SGCZ: variants seen among roughly 807,000 people sequenced by gnomAD.
SGCZ encodes the protein zeta-sarcoglycan.
Under a neutral mutation model 41.3 loss-of-function variants are expected in SGCZ, and 40 were observed. The observed-to-expected ratio is 0.97, with a 90% CI of 0.75 to 1.26. The LOEUF (loss-of-function observed/expected upper bound fraction) is 1.26, where lower values mean the gene tolerates loss of function less well. Ranked by LOEUF, SGCZ falls within the 50% of genes most tolerant of loss-of-function variation. The pLI, the probability that SGCZ is intolerant of heterozygous loss-of-function variation, is 0.00. For missense variants in SGCZ, 552 were observed against 369.8 expected, an observed-to-expected ratio of 1.49 and a Z score of -4.04; for synonymous variants, 206 against 137.5, an observed-to-expected ratio of 1.50 and a Z score of -3.49.
intron 4 of SGCZ, among the ~76,000 whole-genome samples, chr8:14,216,863 G>C (rs1485141773): frequency 2.0e-5 from 3 of 152,126 alleles, no homozygotes; most frequent in Non-Finnish European, 4.4e-5. Context: ...ATTGTATTCA[G>C]CAAAATAAGG....
intron 3 of SGCZ, among the ~76,000 whole-genome samples, chr8:14,317,543 G>A (rs1801758952): frequency 6.6e-6 from 1 of 151,542 alleles, no homozygotes; most frequent in African/African-American, 2.4e-5. Context: ...CAAGCACAGG[G>A]GTCTATGACA....
At chr8:14,983,193 T>C (rs1210433645) in intron 1 of SGCZ, among the ~76,000 whole-genome samples, 1 of 1,304 alleles carries the variant, frequency 7.7e-4, no homozygotes, top group Admixed American at 0.029. Flanking sequence ...TTCTTTTTTC[T>C]TTTTTTTTTT....
chr8:15,046,909 C>T (rs1804326478), intron 1 of SGCZ, among the ~76,000 whole-genome samples: 1 of 151,944 alleles, frequency 6.6e-6, no homozygotes, highest in South Asian at 2.1e-4. Flanking sequence ...AACTAATTTG[C>T]TCCATCTTAG....
At chr8:14,326,606 G>C (rs1802125412) in intron 2 of SGCZ, among the ~76,000 whole-genome samples, 1 of 152,114 alleles carries the variant, frequency 6.6e-6, no homozygotes, top group Non-Finnish European at 1.5e-5. Flanking sequence ...CTTGAGGCAA[G>C]TGAAAATGTC....
intron 1 of SGCZ, among the ~76,000 whole-genome samples, chr8:14,634,051 G>A (rs1806746662): frequency 2.0e-5 from 3 of 151,780 alleles, no homozygotes; most frequent in Admixed American, 1.3e-4. Flanking sequence ...CAGAATTTAA[G>A]TCAAGATAAT....
At chr8:14,480,297 G>A (rs1585571412) in intron 2 of SGCZ, among the ~76,000 whole-genome samples, 1 of 152,172 alleles carries the variant, frequency 6.6e-6, no homozygotes, top group African/African-American at 2.4e-5. Flanking sequence ...CTACTCCTTT[G>A]ACATCTACAA....
At chr8:15,171,546 G>C (rs1799830363) in intron 1 of SGCZ, among the ~76,000 whole-genome samples, 1 of 152,166 alleles carries the variant, frequency 6.6e-6, no homozygotes, top group Non-Finnish European at 1.5e-5. Flanking sequence ...TCTCTTTTTA[G>C]CTGGAGATCC....
chr8:14,718,823 C>CT (rs917764033), intron 1 of SGCZ, among the ~76,000 whole-genome samples: 46 of 147,786 alleles, frequency 3.1e-4, no homozygotes, highest in African/African-American at 7.9e-4. Flanking sequence ...TGTCTTTTTT[C>CT]TTTTTTTTTG....
At chr8:15,197,053 T>C (rs557778252) in intron 1 of SGCZ, among the ~76,000 whole-genome samples, 9 of 152,224 alleles carry the variant, frequency 5.9e-5, no homozygotes, top group Non-Finnish European at 1.0e-4. Flanking sequence ...GAAATGACAC[T>C]CATTCTTACC....
In SGCZ at chr8:15,237,258, C is replaced by CCA. The variant is rs548318220; in HGVS notation, c.39+326_39+327insTG. 1.2e-4 allele frequency among the ~76,000 whole-genome samples: 19 copies of CCA among 152,164 alleles called. No individual in the cohort carries two copies. The South Asian group carries it at 3.7e-3, about 30-fold the overall frequency. On this transcript the variant is annotated intron_variant, in intron 1 of 7. Coordinates refer to ENST00000382080, the MANE Select transcript of SGCZ (RefSeq NM_139167.4). ...GGGCAGAGCTGGTGCCGCTGCCCCC[C>CCA]CCGGGGAGACGAGCCGGCAAGAGGC...
intron 1 of SGCZ, among the ~76,000 whole-genome samples, chr8:15,014,869 C>A (rs1270898512): frequency 7.9e-5 from 12 of 152,204 alleles, no homozygotes; most frequent in Non-Finnish European, 1.2e-4. Flanking sequence ...GATCTACTCT[C>A]TTTAGGCAAA....
At chr8:14,373,140 T>C (rs1374603834) in intron 2 of SGCZ, among the ~76,000 whole-genome samples, 1 of 152,058 alleles carries the variant, frequency 6.6e-6, no homozygotes, top group Non-Finnish European at 1.5e-5. Flanking sequence ...TAATAAGAAA[T>C]CATATTCTAG....
At chr8:14,517,602 GA>G in intron 2 of SGCZ, among the ~76,000 whole-genome samples, 1 of 152,044 alleles carries the variant, frequency 6.6e-6, no homozygotes, top group East Asian at 1.9e-4. Flanking sequence ...ATTTTTTATA[GA>G]GTTTAGAAAT....
chr8:15,089,533 T>C (rs757348790), intron 1 of SGCZ, among the ~76,000 whole-genome samples: 1 of 152,124 alleles, frequency 6.6e-6, no homozygotes, highest in Non-Finnish European at 1.5e-5. Context: ...AAAACCTGGA[T>C]GGAAAATTAA....
intron 1 of SGCZ, among the ~76,000 whole-genome samples, chr8:14,928,350 C>T (rs1203709278): frequency 6.6e-6 from 1 of 152,098 alleles, no homozygotes; most frequent in Non-Finnish European, 1.5e-5. Context: ...TATGTCTGTG[C>T]TCAGGGAGAA....
intron 7 of SGCZ, among the ~76,000 whole-genome samples, chr8:14,097,660 G>C (rs1233971458): frequency 6.6e-6 from 1 of 152,060 alleles, no homozygotes; most frequent in Non-Finnish European, 1.5e-5. Context: ...TTTCTGTCTT[G>C]TTGATCTGAC....
At chr8:14,399,636 T>C (rs1448232948) in intron 2 of SGCZ, among the ~76,000 whole-genome samples, 1 of 152,158 alleles carries the variant, frequency 6.6e-6, no homozygotes, top group East Asian at 1.9e-4. Flanking sequence ...GTGCCCTTTA[T>C]TCAACTGTAT....
chr8:14,742,052 G>T (rs1799211494), intron 1 of SGCZ, among the ~76,000 whole-genome samples: 1 of 151,942 alleles, frequency 6.6e-6, no homozygotes, highest in Admixed American at 6.6e-5. Context: ...GTAAGAAAAT[G>T]ATAACTGGAG....
intron 3 of SGCZ, among the ~76,000 whole-genome samples, chr8:14,243,983 G>C (rs1323817776): frequency 6.6e-6 from 1 of 152,080 alleles, no homozygotes; most frequent in Admixed American, 6.6e-5. Context: ...TAAAAGTATA[G>C]TTTGTGTCAC....
Sources: allele counts gnomAD v4.1 joint callset (sites outside exome capture counted in the v4.1 genomes callset), GRCh38; gene constraint gnomAD v4.1.1; transcripts MANE v1.5; gene names NCBI Gene and HGNC (gene_info 2026-07-23, HGNC 2026-07-21).